RFESD: variants seen among roughly 807,000 people sequenced by gnomAD.
RFESD encodes Rieske domain-containing protein.
Under a neutral mutation model 24.4 loss-of-function variants are expected in RFESD, and 16 were observed. That is an observed-to-expected ratio of 0.66 (90% CI 0.44 to 1.00). The LOEUF is 1.00. Among genes scored for constraint, RFESD ranks in the 50% least tolerant of loss-of-function variants. The pLI, the probability that RFESD is intolerant of heterozygous loss-of-function variation, is 0.00. For synonymous variants in RFESD, 59 were observed against 81.8 expected (o/e 0.72, Z 1.50); for missense variants, 208 against 247.0 (o/e 0.84, Z 1.06).
intron 1 of RFESD, among the ~76,000 whole-genome samples, chr5:95,648,510 T>C (rs1288196740): frequency 1.3e-5 from 2 of 152,200 alleles, no homozygotes; most frequent in African/African-American, 2.4e-5. Context: ...GATCATGATA[T>C]TCACAATAGT....
rs35016122 is a variant in RFESD, at chr5:95,648,892, CTT to C, written c.-136+2096_-136+2097del. Among the ~76,000 whole-genome samples the C allele has an allele frequency of 1.1e-3, 81 of 72,444 alleles. 1 individual carries two copies. The East Asian group carries it at 0.016, about 14-fold the overall frequency. The allele number at this position is 72,444 out of a possible 152,430, so 47.5% of individuals were successfully genotyped here. A position where few individuals can be genotyped will look rare whatever the true frequency, so the allele number is the denominator to read the frequency against. On this transcript the variant is annotated intron_variant, in intron 1 of 5. Coordinates refer to ENST00000380005, the MANE Select transcript of RFESD (RefSeq NM_001131066.2). ...ATTTCGTTACTTTTTGATAGTAGTGCTTTTTTTTTTTTTTTTTTTTTTGGCCT... is the reference window on the plus strand; with the variant it reads ...ATTTCGTTACTTTTTGATAGTAGTGCTTTTTTTTTTTTTTTTTTTTGGCCT...
intron 1 of RFESD, among the ~76,000 whole-genome samples, chr5:95,650,288 T>C (rs1750253572): frequency 6.6e-6 from 1 of 152,222 alleles, no homozygotes; most frequent in Non-Finnish European, 1.5e-5. Flanking sequence ...GACATCCCTA[T>C]AATTTTCTAA....
intron 1 of RFESD, among the ~76,000 whole-genome samples, chr5:95,649,122 G>T (rs1339126722): frequency 1.4e-5 from 2 of 139,332 alleles, no homozygotes; most frequent in African/African-American, 2.5e-5. Context: ...ATCTTGAAAA[G>T]AATAATTTTA....
At chr5:95,647,169 T>TC (rs1211331199) in intron 1 of RFESD, 2 of 152,226 alleles carry the variant, frequency 1.3e-5, no homozygotes, top group Non-Finnish European at 2.9e-5. Flanking sequence ...GTCCTGGAGA[T>TC]ACTCGCCTCC....
In RFESD at chr5:95,654,108, C is replaced by A. The variant is rs758182819; in HGVS notation, c.206C>A (p.Ser69Tyr). Residue 69 changes from serine (S) to tyrosine (Y), a missense_variant, in exon 4 of 6, where the codon TCT becomes TAT. By Grantham distance (144) the Ser-to-Tyr change is moderately radical (BLOSUM62 -2). Coordinates refer to ENST00000380005, the MANE Select transcript of RFESD (RefSeq NM_001131066.2). ...SAQDPEKREY[S>Y]SVCVGREDDI... is the part of the protein sequence containing the mutation. ...CAAGATCCTGAAAAGAGGGAATATTCTTCTGTGTGTGTGGGCAGAGAAGAT... is the reference window on the plus strand; with the variant it reads ...CAAGATCCTGAAAAGAGGGAATATTATTCTGTGTGTGTGGGCAGAGAAGAT... The A allele has an allele frequency of 4.3e-6, 7 of 1,611,820 alleles. No individual in the cohort carries two copies. Among genetic ancestry groups the A allele is most frequent in the Non-Finnish European group, 5.9e-6 (7 of 1,179,774 alleles).
Position 95,655,948 on chromosome 5 carries a change from C to A in RFESD, c.370-98C>A, listed in dbSNP as rs546723296. ...ATAGGAGGAAAAAAAGAAAAGCTAACCTGTTTTTTTAACCTGGTTCTTCTG... is the reference window on the plus strand; with the variant it reads ...ATAGGAGGAAAAAAAGAAAAGCTAAACTGTTTTTTTAACCTGGTTCTTCTG... On this transcript the variant is annotated intron_variant, in intron 5 of 5. Coordinates refer to ENST00000380005, the MANE Select transcript of RFESD (RefSeq NM_001131066.2). 201 of 1,114,550 alleles carry A rather than the reference C, an allele frequency of 1.8e-4. No individual in the cohort carries two copies. In the African/African-American group the frequency reaches 2.8e-3, roughly 15 times the overall value. 69.0% of individuals were successfully genotyped at this position (1,114,550 alleles called of 1,614,324 possible). A position where few individuals can be genotyped will look rare whatever the true frequency, so the allele number is the denominator to read the frequency against.
chr5:95,652,147 A>G lies in RFESD; in HGVS notation c.-125A>G. 1.6e-6 allele frequency: 2 copies of G among 1,254,384 alleles called. No homozygotes were observed. Among genetic ancestry groups the G allele is most frequent in the Non-Finnish European group, 2.1e-6 (2 of 952,584 alleles). The allele number at this position is 1,254,384 out of a possible 1,614,324, so 77.7% of individuals were successfully genotyped here. The stretch of plus-strand genomic sequence containing the variant: ...CCTTTTTTTTTCCAGGTTACCACCT[A>G]TTTGCAATTCAAGGAGAATATAAGA... On this transcript the variant is annotated 5_prime_UTR_variant, in exon 2 of 6. Transcript: ENST00000380005.
intron 5 of RFESD, among the ~76,000 whole-genome samples, chr5:95,654,891 ATATT>A (rs1423305703): frequency 6.6e-6 from 1 of 152,076 alleles, no homozygotes; most frequent in Non-Finnish European, 1.5e-5. Flanking sequence ...AAATGAGTAT[ATATT>A]ATTTTTATAA....
chr5:95,649,512 G>T (rs958052685), intron 1 of RFESD, among the ~76,000 whole-genome samples: 1 of 152,030 alleles, frequency 6.6e-6, no homozygotes, highest in African/African-American at 2.4e-5. Context: ...ACCCAAAGTG[G>T]GATTATTATT....
intron 5 of RFESD, among the ~76,000 whole-genome samples, chr5:95,654,655 G>A (rs373687142): frequency 1.3e-5 from 2 of 151,872 alleles, no homozygotes; most frequent in Admixed American, 1.3e-4. Context: ...TTTAACAATC[G>A]GAAACTGGTT....
intron 5 of RFESD, 96 bp from the exon 6 acceptor site, chr5:95,655,950 T>G: frequency 8.6e-7 from 1 of 1,156,110 alleles, no homozygotes; most frequent in East Asian, 2.4e-5. Flanking sequence ...AAAGCTAACC[T>G]GTTTTTTTAA....
chr5:95,652,906 G>T, intron 2 of RFESD: 1 of 601,800 alleles, frequency 1.7e-6, no homozygotes, highest in Non-Finnish European at 2.7e-6. Flanking sequence ...CACAGAGCCG[G>T]GAGCATTCTT....
At chr5:95,653,023 G>A (rs1419605890) in intron 2 of RFESD, 94 bp from the exon 3 acceptor site, 2 of 1,509,704 alleles carry the variant, frequency 1.3e-6, no homozygotes, top group Non-Finnish European at 1.8e-6. Context: ...GCTCCTGCCT[G>A]TTTACCAATC....
At position 95,656,258 on chromosome 5, in the gene RFESD, C is replaced by G. The variant is rs142449132; in HGVS notation, c.582C>G (p.Asp194Glu). The G allele has an allele frequency of 1.5e-5, 25 of 1,612,990 alleles. No individual in the cohort carries two copies. The African/African-American group carries it at 2.8e-4, about 18-fold the overall frequency. ...VTLSNEPFKC[D>E]SDFYATGDFK... is the part of the protein sequence containing the mutation. ...TTTCTAATGAACCTTTTAAGTGTGA[C>G]TCTGATTTTTATGCCACTGGAGACT... The change falls in exon 6 of 6, where the codon GAC becomes GAG. Residue 194 changes from aspartate to glutamate, a missense_variant. Physicochemically the swap from Asp to Glu is conservative, Grantham distance 45. Coordinates refer to ENST00000380005, the MANE Select transcript of RFESD (RefSeq NM_001131066.2).
intron 1 of RFESD, 29 bp downstream of exon 1, chr5:95,646,846 CGGGCTGGCGGGACCAGCTGCTTCCGGCT>C (rs1372355863): frequency 1.3e-5 from 2 of 152,520 alleles, no homozygotes; most frequent in East Asian, 1.9e-4. Flanking sequence ...GCGCAGGGGG[CGGGCTGGCGGGACCAGCTGCTTCCGGCT>C]GGGCTGCGGG....
At chr5:95,651,179 A>G (rs1446049561) in intron 1 of RFESD, among the ~76,000 whole-genome samples, 1 of 152,056 alleles carries the variant, frequency 6.6e-6, no homozygotes, top group Non-Finnish European at 1.5e-5. Context: ...GTGGAATTAC[A>G]ATGCAGATTC....
chr5:95,650,865 G>A lies in RFESD; in HGVS notation c.-135-1272G>A, dbSNP rs571536258. ...TGTAATCCCAGCACATTGGGAGGCCGAGGCGGGCGGATCATGAGGTCAGGA... is the reference window on the plus strand; with the variant it reads ...TGTAATCCCAGCACATTGGGAGGCCAAGGCGGGCGGATCATGAGGTCAGGA... On this transcript the variant is annotated intron_variant, in intron 1 of 5. Transcript: ENST00000380005. 6.6e-5 allele frequency among the ~76,000 whole-genome samples: 10 copies of A among 152,256 alleles called. No individual in the cohort carries two copies. In the East Asian group the frequency reaches 1.9e-3, roughly 29 times the overall value.
chr5:95,653,076 C>T (rs1750456233), intron 2 of RFESD, 41 bp from the exon 3 acceptor site: 3 of 1,549,228 alleles, frequency 1.9e-6, no homozygotes. Context: ...TTCACCAAGA[C>T]TTTTCTTTCC....
Position 95,657,140 on chromosome 5 carries a change from G to A in RFESD, c.*831G>A, listed in dbSNP as rs542606475. On this transcript the variant is annotated 3_prime_UTR_variant, in exon 6 of 6. Coordinates refer to ENST00000380005, the MANE Select transcript of RFESD (RefSeq NM_001131066.2). ...TTTTCAAATAAAGATTTTTAAAAAC[G>A]TTTTAGAACTTTGTGAATGTAGGCA... The A allele has an allele frequency of 2.0e-5, 3 of 152,134 alleles. No homozygotes were observed. The highest frequency in any genetic ancestry group is 1.9e-4 in the East Asian group (1 of 5,184). 9.4% of individuals were successfully genotyped at this position (152,134 alleles called of 1,614,324 possible). A position where few individuals can be genotyped will look rare whatever the true frequency, so the allele number is the denominator to read the frequency against.
Sources: gnomAD v4.1 joint callset for allele counts (sites outside exome capture counted in the v4.1 genomes callset) on GRCh38, gnomAD v4.1.1 for gene constraint, MANE v1.5 for transcripts, NCBI Gene and HGNC (gene_info 2026-07-23, HGNC 2026-07-21) for gene names.